GALNT18: variants seen among roughly 807,000 people sequenced by gnomAD.
GALNT18 encodes polypeptide N-acetylgalactosaminyltransferase 18, also known as GalNAc-transferase 18.
GALNT18 carries 44 observed loss-of-function variants against 69.5 expected under a neutral mutation model. The observed-to-expected ratio is 0.63, with a 90% CI of 0.50 to 0.81. The LOEUF is 0.81. Among genes scored for constraint, GALNT18 ranks in the 40% least tolerant of loss-of-function variants. GALNT18 has a pLI of 0.00. For missense variants in GALNT18, 715 were observed against 810.0 expected (o/e 0.88, Z 1.42); for synonymous variants, 364 against 318.2 (o/e 1.14, Z -1.53).
Position 11,340,839 on chromosome 11 carries a change from C to T in GALNT18, c.1258G>A (p.Ala420Thr). ...CCTACCTCCTGCGGTATGTTCCATG[C>T]CATGTAGACGTGGCTTTTAAATTCA... The part of the protein sequence containing the change: ...MDEFKSHVYM[A>T]WNIPQEDSGI... The change falls in exon 7 of 11, where the codon GCA becomes ACA. Residue 420 changes from alanine (A) to threonine (T), a missense_variant. Transcript: ENST00000227756. The surrounding 1 kb of genome is among the most constrained non-coding windows in gnomAD (Gnocchi z 4.2). 2 of 1,613,322 alleles carry T rather than the reference C, an allele frequency of 1.2e-6. No homozygotes were observed. Among genetic ancestry groups the T allele is most frequent in the South Asian group, 1.1e-5 (1 of 90,876 alleles).
chr11:11,491,176 A>C (rs1402664170), intron 1 of GALNT18, among the ~76,000 whole-genome samples: 2 of 152,222 alleles, frequency 1.3e-5, no homozygotes, highest in East Asian at 3.8e-4. Context: ...GCTCTTCATC[A>C]CATGCCCTGG....
chr11:11,320,667 G>C lies in GALNT18; in HGVS notation c.1512+6419C>G, dbSNP rs943577673. Among the ~76,000 whole-genome samples, 2 of 152,184 alleles carry C rather than the reference G, an allele frequency of 1.3e-5. No individual in the cohort carries two copies. Among genetic ancestry groups the C allele is most frequent in the South Asian group, 2.1e-4 (1 of 4,828 alleles). On this transcript the variant is annotated intron_variant, in intron 9 of 10. Transcript: ENST00000227756. The surrounding 1 kb of genome is among the most constrained non-coding windows in gnomAD (Gnocchi z 4.9). ...GCGGGCTGGAAGATGACTTTGGGAA[G>C]CCTTGCCAGACAGCAGCCCCTTACC...
intron 6 of GALNT18, among the ~76,000 whole-genome samples, chr11:11,359,673 G>T (rs1193855260): frequency 6.6e-6 from 1 of 152,152 alleles, no homozygotes; most frequent in African/African-American, 2.4e-5. Flanking sequence ...TGAGAGATGT[G>T]GCTGAATCAC....
chr11:11,514,638 T>A (rs1437990811), intron 1 of GALNT18, among the ~76,000 whole-genome samples: 1 of 152,154 alleles, frequency 6.6e-6, no homozygotes, highest in Non-Finnish European at 1.5e-5. Flanking sequence ...AAGGAAACCA[T>A]CAGTAGTTCA....
chr11:11,342,075 C>T (rs770587669), intron 6 of GALNT18, among the ~76,000 whole-genome samples: 2 of 152,126 alleles, frequency 1.3e-5, no homozygotes, highest in Non-Finnish European at 2.9e-5. Flanking sequence ...CCCCACAGCC[C>T]TTGATATCAC....
chr11:11,288,701 T>C (rs1849240797), intron 10 of GALNT18, among the ~76,000 whole-genome samples: 1 of 152,214 alleles, frequency 6.6e-6, no homozygotes, highest in African/African-American at 2.4e-5. Context: ...TCAAATGTGG[T>C]TTCTCAGTGT....
chr11:11,355,163 C>T (rs1850503447), intron 6 of GALNT18, among the ~76,000 whole-genome samples: 1 of 152,228 alleles, frequency 6.6e-6, no homozygotes, highest in Non-Finnish European at 1.5e-5. Flanking sequence ...GCATGTCCCT[C>T]CTCTGCTTTA....
At position 11,334,703 on chromosome 11, in the gene GALNT18, G is replaced by A. The variant is rs145356611; in HGVS notation, c.1279-1872C>T. Among the ~76,000 whole-genome samples the A allele has an allele frequency of 4.9e-3, 741 of 152,234 alleles. 6 individuals carry two copies. Among genetic ancestry groups the A allele is most frequent in the African/African-American group, 0.017 (712 of 41,526 alleles). ...TTTCAGCTTCCTAGTACTTCTTAAT[G>A]ACCTCATCCGTGACTTGTCTGCTGC... On this transcript the variant is annotated intron_variant, in intron 7 of 10. Coordinates refer to ENST00000227756, the MANE Select transcript of GALNT18 (RefSeq NM_198516.3).
chr11:11,514,922 C>G (rs973019533), intron 1 of GALNT18, among the ~76,000 whole-genome samples: 2 of 152,100 alleles, frequency 1.3e-5, no homozygotes, highest in Non-Finnish European at 2.9e-5. Context: ...AAAAGTGGAC[C>G]GAAACCAAGA....
intron 3 of GALNT18, among the ~76,000 whole-genome samples, chr11:11,388,311 T>C (rs1296015538): frequency 6.6e-6 from 1 of 152,122 alleles, no homozygotes; most frequent in Non-Finnish European, 1.5e-5. Flanking sequence ...AAACACCTTC[T>C]TATCAGTGCC....
intron 3 of GALNT18, among the ~76,000 whole-genome samples, chr11:11,410,988 C>G (rs1854713722): frequency 6.6e-6 from 1 of 152,162 alleles, no homozygotes; most frequent in African/African-American, 2.4e-5. Context: ...GTCAATGCCT[C>G]CTGGGTGCCA....
chr11:11,313,491 C>G (rs1051579110), intron 9 of GALNT18, among the ~76,000 whole-genome samples: 3 of 152,202 alleles, frequency 2.0e-5, no homozygotes, highest in African/African-American at 7.2e-5. Context: ...ATCCCATATT[C>G]TCATTGCAAC....
At chr11:11,514,901 A>G (rs912778527) in intron 1 of GALNT18, among the ~76,000 whole-genome samples, 1 of 152,200 alleles carries the variant, frequency 6.6e-6, no homozygotes, top group African/African-American at 2.4e-5. Context: ...AGGATGAAGG[A>G]CCAGGAATCC....
At chr11:11,491,282 G>T (rs1399538743) in intron 1 of GALNT18, among the ~76,000 whole-genome samples, 1 of 152,140 alleles carries the variant, frequency 6.6e-6, no homozygotes, top group Non-Finnish European at 1.5e-5. Context: ...CAAGAAACAG[G>T]TGTCAAAAAA....
rs146340270 is a variant in GALNT18, at chr11:11,411,626, A to C, written c.595+20995T>G. 7.2e-5 allele frequency among the ~76,000 whole-genome samples: 11 copies of C among 152,340 alleles called. No individual in the cohort carries two copies. In the East Asian group the frequency reaches 2.1e-3, roughly 29 times the overall value. On this transcript the variant is annotated intron_variant, in intron 3 of 10. Transcript: ENST00000227756. ...CAAATCTCTCACCTGCTCAGCCTGG[A>C]ACTGCTCACATTATCTTGGCATGGG...
chr11:11,321,756 ACATG>A (rs1849843160), intron 9 of GALNT18, among the ~76,000 whole-genome samples: 1 of 152,192 alleles, frequency 6.6e-6, no homozygotes, highest in East Asian at 1.9e-4. Context: ...GTGTGTGCCA[ACATG>A]CCTGGCTAAT....
intron 6 of GALNT18, among the ~76,000 whole-genome samples, chr11:11,357,814 T>C (rs994641291): frequency 6.6e-6 from 1 of 152,198 alleles, no homozygotes; most frequent in Non-Finnish European, 1.5e-5. Context: ...AAACCTAAGT[T>C]ATCTCATTCA....
intron 9 of GALNT18, among the ~76,000 whole-genome samples, chr11:11,303,521 G>T (rs1275519768): frequency 1.3e-5 from 2 of 151,934 alleles, no homozygotes; most frequent in Non-Finnish European, 2.9e-5. Context: ...CTATACCTGT[G>T]GCCATTATGT....
chr11:11,605,450 C>T lies in GALNT18; in HGVS notation c.235+15909G>A, dbSNP rs1013246239. 1.4e-4 allele frequency among the ~76,000 whole-genome samples: 22 copies of T among 152,212 alleles called. No homozygotes were observed. The highest frequency in any genetic ancestry group is 5.3e-4 in the African/African-American group (22 of 41,454). On this transcript the variant is annotated intron_variant, in intron 1 of 10. Coordinates refer to ENST00000227756, the MANE Select transcript of GALNT18 (RefSeq NM_198516.3). This position sits in a 1 kb window ranked among gnomAD's most constrained non-coding sequence, Gnocchi z 4.7. Reference sequence around the variant, plus strand: ...CCTAACTTGCCAGGCCGCCAGTCACCGCCACCCTGAAGACACAGGTGGTGG... The same window carrying T: ...CCTAACTTGCCAGGCCGCCAGTCACTGCCACCCTGAAGACACAGGTGGTGG...
Sources: allele counts gnomAD v4.1 joint callset (sites outside exome capture counted in the v4.1 genomes callset), GRCh38; gene constraint gnomAD v4.1.1; non-coding constraint Gnocchi (gnomAD v3.1); transcripts MANE v1.5; gene names NCBI Gene and HGNC (gene_info 2026-07-23, HGNC 2026-07-21).